Variants in MTDH observed in about 807,000 individuals in gnomAD.
MTDH encodes protein LYRIC.
MTDH carries 34 observed loss-of-function variants against 72.7 expected under a neutral mutation model. The ratio of observed to expected loss-of-function variants is 0.47; its 90% CI spans 0.36 to 0.62. MTDH has a LOEUF of 0.62. MTDH is among the 20% of genes least tolerant of loss of function. The pLI is 0.00. For synonymous variants in MTDH, 266 were observed against 268.9 expected, an observed-to-expected ratio of 0.99 and a Z score of 0.10; for missense variants, 677 against 699.4, an observed-to-expected ratio of 0.97 and a Z score of 0.36.
rs1321353204 is a variant in MTDH, at chr8:97,713,693, G to C, written c.1304G>C (p.Gly435Ala). 6.2e-7 allele frequency: 1 copy of C among 1,606,794 alleles called. No homozygotes were observed. Among genetic ancestry groups the C allele is most frequent in the Admixed American group, 1.7e-5 (1 of 58,744 alleles). ...VSDDDKEKGE[G>A]ALPTGKSKKK... ...GATGATGATAAAGAAAAGGGAGAGG[G>C]AGCTCTTCCAACTGGGAAATCCAAA... The change falls in exon 9 of 12, where the codon GGA (glycine) becomes GCA (alanine). Residue 435 changes from glycine to alanine, a missense_variant. By Grantham distance (60) the Gly-to-Ala change is moderately conservative (BLOSUM62 0). Around this residue, in one of 3 missense-constraint regions of MTDH, gnomAD observed 201 missense variants for 204.5 expected, o/e 0.98. Transcript: ENST00000336273.
intron 2 of MTDH, among the ~76,000 whole-genome samples, chr8:97,667,849 AAG>A (rs1554575771): frequency 6.6e-6 from 1 of 151,578 alleles, no homozygotes; most frequent in African/African-American, 2.4e-5. Context: ...AAAAAAAAAA[AAG>A]GAAGAAATTT....
At chr8:97,668,484 A>G (rs1047869500) in intron 2 of MTDH, among the ~76,000 whole-genome samples, 1 of 152,192 alleles carries the variant, frequency 6.6e-6, no homozygotes, top group African/African-American at 2.4e-5. Flanking sequence ...AAAAATTGCA[A>G]GATAGACCAA....
chr8:97,675,887 T>G (rs1258873293), intron 2 of MTDH, among the ~76,000 whole-genome samples: 3 of 151,640 alleles, frequency 2.0e-5, no homozygotes, highest in Non-Finnish European at 4.4e-5. Flanking sequence ...AAAAAAGAAT[T>G]TACATTTAGA....
At chr8:97,712,355 T>C (rs536240764) in intron 8 of MTDH, among the ~76,000 whole-genome samples, 2 of 152,312 alleles carry the variant, frequency 1.3e-5, no homozygotes, top group East Asian at 3.9e-4. Context: ...TTTTGTTTTT[T>C]GTTTTTTTTC....
chr8:97,682,735 C>T (rs1813186313), intron 2 of MTDH, among the ~76,000 whole-genome samples: 1 of 151,280 alleles, frequency 6.6e-6, no homozygotes, highest in Non-Finnish European at 1.5e-5. Context: ...ATTATTTTTT[C>T]AAAGTCTCCC....
At chr8:97,677,554 A>G (rs903710360) in intron 2 of MTDH, among the ~76,000 whole-genome samples, 2 of 152,120 alleles carry the variant, frequency 1.3e-5, no homozygotes, top group African/African-American at 4.8e-5. Context: ...ATTTCTAGTA[A>G]GAACTCTATC....
chr8:97,729,780 T>C lies in MTDH; in HGVS notation c.*5110T>C, dbSNP rs933472544. On this transcript the variant is annotated 3_prime_UTR_variant, in exon 12 of 12. Transcript: ENST00000336273. ...TGCTGGGATTACAGGCATGAACCAC[T>C]GTGCCCAGTCTATATATAATAGATT... is the stretch of plus-strand genomic sequence containing the variant. Among the ~76,000 whole-genome samples, 1 of 152,152 alleles carries C rather than the reference T, an allele frequency of 6.6e-6. No homozygotes were observed. The highest frequency in any genetic ancestry group is 1.5e-5 in the Non-Finnish European group (1 of 68,034).
Position 97,719,174 on chromosome 8 carries a change from C to T in MTDH, c.1506C>T (p.Leu502=), listed in dbSNP as rs776847378. The change falls in exon 10 of 12, where the codon CTC becomes CTT. Residue 502 remains leucine, a synonymous_variant. Coordinates refer to ENST00000336273, the MANE Select transcript of MTDH (RefSeq NM_178812.4). ...GCACTAGTGATCCAGCCGAAGTACT[C>T]GTCAAAAATAGCCAGGTAATTTTTA... The part of the protein sequence containing the change: ...TISTSDPAEV[L]VKNSQPIKTL... 15 of 1,610,924 alleles carry T rather than the reference C, an allele frequency of 9.3e-6. No homozygotes were observed. Among genetic ancestry groups the T allele is most frequent in the Middle Eastern group, 1.7e-4 (1 of 6,040 alleles).
chr8:97,723,107 G>C, intron 11 of MTDH, 72 bp downstream of exon 11: 1 of 1,493,608 alleles, frequency 6.7e-7, no homozygotes, highest in Non-Finnish European at 9.0e-7. Flanking sequence ...GATCTTAAAA[G>C]TCTAATGGAG....
intron 6 of MTDH, among the ~76,000 whole-genome samples, chr8:97,698,180 A>T (rs1813949587): frequency 6.6e-6 from 1 of 152,206 alleles, no homozygotes. Context: ...ACACTTTTAT[A>T]CTAACCAAGT....
chr8:97,729,869 TTAG>T lies in MTDH; in HGVS notation c.*5203_*5205del, dbSNP rs1159112320. 6.6e-6 allele frequency among the ~76,000 whole-genome samples: 1 copy of T among 152,148 alleles called. No homozygotes were observed. Among genetic ancestry groups the T allele is most frequent in the Non-Finnish European group, 1.5e-5 (1 of 68,034 alleles). Reference sequence around the variant, plus strand: ...TCTAGAGACAGAGGCTGAGAGAAACTTAGTAGCCTGCCTGCGCATACTGCAAGT... The same window carrying T: ...TCTAGAGACAGAGGCTGAGAGAAACTTAGCCTGCCTGCGCATACTGCAAGT... On this transcript the variant is annotated 3_prime_UTR_variant, in exon 12 of 12. Coordinates refer to ENST00000336273, the MANE Select transcript of MTDH (RefSeq NM_178812.4).
intron 5 of MTDH, among the ~76,000 whole-genome samples, chr8:97,690,182 G>A (rs1813543169): frequency 6.6e-6 from 1 of 151,910 alleles, no homozygotes; most frequent in Non-Finnish European, 1.5e-5. Context: ...GTAGAGGCAG[G>A]GTTTCACCAT....
chr8:97,697,214 A>G (rs1348529948), intron 6 of MTDH, among the ~76,000 whole-genome samples: 1 of 142,762 alleles, frequency 7.0e-6, no homozygotes, highest in Non-Finnish European at 1.5e-5. Context: ...TCACTAACCT[A>G]GAAAGGGGGT....
At chr8:97,684,090 TC>T (rs1813256214) in intron 2 of MTDH, among the ~76,000 whole-genome samples, 2 of 146,640 alleles carry the variant, frequency 1.4e-5, no homozygotes, top group African/African-American at 5.0e-5. Context: ...TGAACTGAGA[TC>T]GCGCCATTGC....
intron 2 of MTDH, among the ~76,000 whole-genome samples, chr8:97,684,527 A>G (rs1378543619): frequency 1.3e-5 from 2 of 152,240 alleles, no homozygotes; most frequent in African/African-American, 4.8e-5. Flanking sequence ...CTTTCATGCT[A>G]TATGAGCAGA....
intron 2 of MTDH, among the ~76,000 whole-genome samples, chr8:97,670,952 G>GTT (rs1160758851): frequency 0.029 from 2,292 of 77,956 alleles, 22 homozygotes; most frequent in African/African-American, 0.034. Context: ...TGTTGTTGTT[G>GTT]TTTTTTTTTT....
In MTDH at chr8:97,726,920, A is replaced by G. The variant is rs944105906; in HGVS notation, c.*2250A>G. The G allele has an allele frequency of 1.5e-4, 19 of 123,492 alleles. No homozygotes were observed. The Admixed American group carries it at 1.8e-3, about 12-fold the overall frequency. The allele number at this position is 123,492 out of a possible 1,614,324, so 7.6% of individuals were successfully genotyped here. On this transcript the variant is annotated 3_prime_UTR_variant, in exon 12 of 12. Transcript: ENST00000336273. Reference sequence around the variant, plus strand: ...AAACCCCATCTTTACTAAAAATACAAAAAAAAAAATTAGCTGGGTGTGGTG... The same window carrying G: ...AAACCCCATCTTTACTAAAAATACAGAAAAAAAAATTAGCTGGGTGTGGTG...
intron 1 of MTDH, among the ~76,000 whole-genome samples, chr8:97,656,070 C>G (rs1348287234): frequency 6.6e-6 from 1 of 152,194 alleles, no homozygotes; most frequent in South Asian, 2.1e-4. Flanking sequence ...GTAGACTGCC[C>G]TTCTAGTTTC....
chr8:97,700,460 G>T (rs1814069385), intron 7 of MTDH, among the ~76,000 whole-genome samples: 1 of 151,920 alleles, frequency 6.6e-6, no homozygotes, highest in Non-Finnish European at 1.5e-5. Context: ...GTTCCCTGTG[G>T]GGTTTTCCAC....
Sources: gnomAD v4.1 joint callset for allele counts (sites outside exome capture counted in the v4.1 genomes callset) on GRCh38, gnomAD v4.1.1 for gene constraint, gnomAD v4.1.1 regional missense constraint, MANE v1.5 for transcripts, NCBI Gene and HGNC (gene_info 2026-07-23, HGNC 2026-07-21) for gene names.